VWA3A: variants seen among roughly 807,000 people sequenced by gnomAD.
VWA3A encodes the protein von Willebrand factor A domain containing 3A.
A neutral mutation model predicts 160.4 loss-of-function variants in VWA3A; 134 were observed. That is an observed-to-expected ratio of 0.84 (90% CI 0.73 to 0.96). The LOEUF (loss-of-function observed/expected upper bound fraction) is 0.96, where lower values mean the gene tolerates loss of function less well. Among genes scored for constraint, VWA3A ranks in the 40% least tolerant of loss-of-function variants. VWA3A has a pLI of 0.00. For missense variants in VWA3A, 1,310 were observed against 1,447.9 expected (o/e 0.90, Z 1.55); for synonymous variants, 476 against 543.4 (o/e 0.88, Z 1.72).
Position 22,122,119 on chromosome 16 carries a change from T to TGATGGATGGATG in VWA3A, c.1356+526_1356+537dup, listed in dbSNP as rs113111289. Among the ~76,000 whole-genome samples, 1,130 of 145,990 alleles carry TGATGGATGGATG rather than the reference T, an allele frequency of 7.7e-3. 10 individuals carry two copies. Among genetic ancestry groups the TGATGGATGGATG allele is most frequent in the African/African-American group, 0.026 (984 of 38,428 alleles). On this transcript the variant is annotated intron_variant, in intron 14 of 33. Coordinates refer to ENST00000389398, the MANE Select transcript of VWA3A (RefSeq NM_173615.5). ...AGGATGGCAAGAAGAAGGAAAAGAATGATGGATGGATGGATGGATGGATGG... is the reference window on the plus strand; with the variant it reads ...AGGATGGCAAGAAGAAGGAAAAGAATGATGGATGGATGGATGGATGGATGGATGGATGGATGG...
At position 22,149,827 on chromosome 16, in the gene VWA3A, C is replaced by A. The variant is rs909420855; in HGVS notation, c.3025C>A (p.Gln1009Lys). ...LSFAESFQSW[Q>K]DTLVETTDAA... The stretch of plus-strand genomic sequence containing the variant: ...CTTTGCAGAGAGCTTTCAGTCATGG[C>A]AGGACACGCTGGTGGAGACCACAGA... The change falls in exon 29 of 34, where the codon CAG becomes AAG. Residue 1009 changes from glutamine to lysine, a missense_variant. Physicochemically the swap from Gln to Lys is moderately conservative, Grantham distance 53. Transcript: ENST00000389398. 3 of 1,598,312 alleles carry A rather than the reference C, an allele frequency of 1.9e-6. No homozygotes were observed. The highest frequency in any genetic ancestry group is 2.6e-6 in the Non-Finnish European group (3 of 1,172,376).
intron 5 of VWA3A, 118 bp downstream of exon 5, chr16:22,100,611 GAT>G: frequency 1.1e-6 from 1 of 931,568 alleles, no homozygotes; most frequent in Non-Finnish European, 1.7e-6. Context: ...GAGGCAGGTG[GAT>G]CACTTGAGGT....
At chr16:22,109,256 GA>G (rs746673418) in intron 6 of VWA3A, among the ~76,000 whole-genome samples, 2 of 152,144 alleles carry the variant, frequency 1.3e-5, no homozygotes, top group Non-Finnish European at 2.9e-5. Context: ...AATATAAGGG[GA>G]AAAAACTTAT....
chr16:22,123,369 T>C, intron 15 of VWA3A: 1 of 1,377,354 alleles, frequency 7.3e-7, no homozygotes, highest in South Asian at 1.3e-5. Flanking sequence ...AAAAAAAGGC[T>C]TCTAATCCTC....
At chr16:22,093,931 ATT>A (rs1901434980) in intron 1 of VWA3A, among the ~76,000 whole-genome samples, 1 of 130,226 alleles carries the variant, frequency 7.7e-6, no homozygotes, top group Non-Finnish European at 1.5e-5. Flanking sequence ...TGCCCAGCTA[ATT>A]TTTGTATTTT....
In VWA3A at chr16:22,100,159, C is replaced by T. The variant is rs1320090525; in HGVS notation, c.226-35C>T. ...GGAACCTCTTCCTTCCCTCTCTTTC[C>T]ACTTCACGGTTTGACTCTGGCTTTT... On this transcript the variant is annotated intron_variant, in intron 3 of 33. Coordinates refer to ENST00000389398, the MANE Select transcript of VWA3A (RefSeq NM_173615.5). 4.0e-6 allele frequency: 6 copies of T among 1,514,852 alleles called. No homozygotes were observed. In the Admixed American group the frequency reaches 1.1e-4, roughly 28 times the overall value. 93.8% of individuals were successfully genotyped at this position (1,514,852 alleles called of 1,614,324 possible).
intron 9 of VWA3A, chr16:22,116,374 GAAA>G (rs1341420072): frequency 1.2e-5 from 5 of 414,934 alleles, no homozygotes; most frequent in Non-Finnish European, 2.3e-5. Context: ...AAGGAAGAGA[GAAA>G]AAAGAGGAAG....
At position 22,115,366 on chromosome 16, in the gene VWA3A, TG is replaced by T; in HGVS notation, c.712del (p.Val238Ter). 6.3e-7 allele frequency: 1 copy of T among 1,599,556 alleles called. No homozygotes were observed. The highest frequency in any genetic ancestry group is 8.5e-7 in the Non-Finnish European group (1 of 1,172,838). ...SASTLQELKL[W>X]VKTLQPDGGS... Reference sequence around the variant, plus strand: ...TCCCAGCCTCCAGGAACTTAAGCTCTGGGTAAAGACGCTGCAGCCTGATGGA... The same window carrying T: ...TCCCAGCCTCCAGGAACTTAAGCTCTGGTAAAGACGCTGCAGCCTGATGGA... On this transcript the variant is annotated frameshift_variant, in exon 9 of 34. Transcript: ENST00000389398. LOFTEE classifies it high-confidence loss of function.
rs149635107 is a variant in VWA3A at position 22,155,552 on chromosome 16, T to C, written c.3406-15T>C. On this transcript the variant is annotated splice_polypyrimidine_tract_variant and intron_variant, in intron 31 of 33. Coordinates refer to ENST00000389398, the MANE Select transcript of VWA3A (RefSeq NM_173615.5). ...CATCCAGTCATAAACTTCACACTCA[T>C]TTCCTCTTTTCAAGGATCCCACATT... is the stretch of plus-strand genomic sequence containing the variant. 6.2e-7 allele frequency: 1 copy of C among 1,612,322 alleles called. No individual in the cohort carries two copies. The highest frequency in any genetic ancestry group is 8.5e-7 in the Non-Finnish European group (1 of 1,178,436).
chr16:22,108,863 C>T (rs893150738), intron 6 of VWA3A, among the ~76,000 whole-genome samples: 4 of 152,090 alleles, frequency 2.6e-5, no homozygotes, highest in Non-Finnish European at 5.9e-5. Context: ...TTTATCAGGA[C>T]GTGGCCCCAT....
intron 6 of VWA3A, among the ~76,000 whole-genome samples, chr16:22,107,766 A>T (rs924669496): frequency 3.3e-5 from 5 of 152,032 alleles, no homozygotes; most frequent in Non-Finnish European, 5.9e-5. Flanking sequence ...CTGGAGTGGG[A>T]CCTGAGACTC....
intron 15 of VWA3A, 178 bp downstream of exon 15, chr16:22,123,343 T>C: frequency 8.3e-7 from 1 of 1,202,880 alleles, no homozygotes; most frequent in Non-Finnish European, 1.2e-6. Context: ...AGCAGGGACC[T>C]CAATGCCTTT....
intron 16 of VWA3A, among the ~76,000 whole-genome samples, chr16:22,125,590 A>AT (rs1181622543): frequency 4.6e-5 from 7 of 151,490 alleles, no homozygotes; most frequent in Non-Finnish European, 8.8e-5. Context: ...CGCTCGGCTA[A>AT]TTTTTTTTAT....
At chr16:22,118,869 T>A (rs762596977) in intron 11 of VWA3A, 33 bp from the exon 12 acceptor site, 1 of 1,612,964 alleles carries the variant, frequency 6.2e-7, no homozygotes, top group Non-Finnish European at 8.5e-7. Context: ...AGTCAAGTGA[T>A]TCCGGATGTC....
chr16:22,117,031 G>T, intron 10 of VWA3A, 80 bp from the exon 11 acceptor site: 1 of 1,491,162 alleles, frequency 6.7e-7, no homozygotes, highest in South Asian at 1.2e-5. Context: ...TTGGATAATT[G>T]GGAGGTTCAG....
In VWA3A at chr16:22,121,051, T is replaced by C; in HGVS notation, c.1200T>C (p.Phe400=). 1 of 1,613,998 alleles carries C rather than the reference T, an allele frequency of 6.2e-7. No individual in the cohort carries two copies. The highest frequency in any genetic ancestry group is 1.3e-5 in the African/African-American group (1 of 75,048). The part of the protein sequence containing the change: ...PKHDAPLTIE[F]PNLDKTSAEW... ...ATGACGCTCCTCTCACCATTGAGTTTCCAAACTTGGACAAGACTTCTGCAG... is the reference window on the plus strand; with the variant it reads ...ATGACGCTCCTCTCACCATTGAGTTCCCAAACTTGGACAAGACTTCTGCAG... Residue 400 remains phenylalanine, a synonymous_variant, in exon 13 of 34, where the codon TTT becomes TTC. Transcript: ENST00000389398.
intron 28 of VWA3A, among the ~76,000 whole-genome samples, chr16:22,148,782 GA>G (rs2046300055): frequency 6.6e-6 from 1 of 152,124 alleles, no homozygotes; most frequent in Admixed American, 6.6e-5. Context: ...AAAAAAAAAG[GA>G]ACGCAATTTT....
At chr16:22,137,846 A>G (rs886439335) in intron 21 of VWA3A, among the ~76,000 whole-genome samples, 1 of 152,202 alleles carries the variant, frequency 6.6e-6, no homozygotes, top group African/African-American at 2.4e-5. Flanking sequence ...CAATTCTTAA[A>G]CAAAAGCCTT....
intron 23 of VWA3A, chr16:22,141,343 A>G: frequency 1.6e-6 from 1 of 637,802 alleles, no homozygotes; most frequent in Non-Finnish European, 2.9e-6. Context: ...GCATACTCAA[A>G]GCACTTAGCA....
Sources: allele counts gnomAD v4.1 joint callset (sites outside exome capture counted in the v4.1 genomes callset), GRCh38; gene constraint gnomAD v4.1.1; transcripts MANE v1.5; gene names NCBI Gene and HGNC (gene_info 2026-07-23, HGNC 2026-07-21).